Variants in ZER1 observed in about 807,000 individuals in gnomAD.
ZER1 encodes zyg-11 related cell cycle regulator, also known as protein zer-1 homolog.
In ZER1, 11 loss-of-function variants were observed where a neutral mutation model predicts 78.8. The observed-to-expected ratio is 0.14, with a 90% CI of 0.09 to 0.23. The LOEUF is 0.23. ZER1 is among the 10% of genes least tolerant of loss of function. The probability of loss-of-function intolerance (pLI) is 1.00; values close to 1 mark genes in which losing one functional copy is unlikely to be tolerated. For missense variants in ZER1, 588 were observed against 996.9 expected, an observed-to-expected ratio of 0.59 and a Z score of 5.52; for synonymous variants, 400 against 407.0, an observed-to-expected ratio of 0.98 and a Z score of 0.21.
rs1863835486 is a variant in ZER1, at chr9:128,755,663, G to A, written c.-94-4C>T. On this transcript the variant is annotated splice_polypyrimidine_tract_variant and splice_region_variant and intron_variant, in intron 1 of 15. Coordinates refer to ENST00000291900, the MANE Select transcript of ZER1 (RefSeq NM_006336.4). The surrounding 1 kb of genome is among the most constrained non-coding windows in gnomAD (Gnocchi z 5.6). ...GGATCATTGGCAGAGCCACTGCCTG[G>A]GGAGTGGACAAGATGCCAAGTGAGC... 2.7e-6 allele frequency: 4 copies of A among 1,488,932 alleles called. No homozygotes were observed. In the South Asian group the frequency reaches 3.7e-5, roughly 14 times the overall value. The allele number at this position is 1,488,932 out of a possible 1,614,324, so 92.2% of individuals were successfully genotyped here. A position where few individuals can be genotyped will look rare whatever the true frequency, so the allele number is the denominator to read the frequency against.
chr9:128,751,562 G>A lies in ZER1; in HGVS notation c.924-35C>T, dbSNP rs776114066. The stretch of plus-strand genomic sequence containing the variant: ...GAGGGTGCCGGTGTCAGTGGCTTGG[G>A]ACCCAGGCCTGAGCTGGGCCTCCCC... On this transcript the variant is annotated intron_variant, in intron 5 of 15. Coordinates refer to ENST00000291900, the MANE Select transcript of ZER1 (RefSeq NM_006336.4). The surrounding 1 kb of genome is among the most constrained non-coding windows in gnomAD (Gnocchi z 5.4). 10 of 1,592,316 alleles carry A rather than the reference G, an allele frequency of 6.3e-6. No individual in the cohort carries two copies. Among genetic ancestry groups the A allele is most frequent in the South Asian group, 2.2e-5 (2 of 90,766 alleles).
In ZER1 at chr9:128,740,270, AT is replaced by A. The variant is rs1863244640; in HGVS notation, c.1854-152del. ...ATATACCCAGACTACTTCTAAAGGGATTTGAGGTCATTTAAGATATAATTAC... is the reference window on the plus strand; with the variant it reads ...ATATACCCAGACTACTTCTAAAGGGATTGAGGTCATTTAAGATATAATTAC... On this transcript the variant is annotated intron_variant, in intron 12 of 15. Coordinates refer to ENST00000291900, the MANE Select transcript of ZER1 (RefSeq NM_006336.4). This position sits in a 1 kb window ranked among gnomAD's most constrained non-coding sequence, Gnocchi z 4.4. 1.3e-6 allele frequency: 1 copy of A among 797,996 alleles called. No individual in the cohort carries two copies. Among genetic ancestry groups the A allele is most frequent in the Admixed American group, 3.0e-5 (1 of 33,634 alleles). 49.4% of individuals were successfully genotyped at this position (797,996 alleles called of 1,614,324 possible).
Position 128,753,296 on chromosome 9 carries a change from T to C in ZER1, c.614A>G (p.Asp205Gly), listed in dbSNP as rs1362303442. 6.2e-7 allele frequency: 1 copy of C among 1,611,052 alleles called. No individual in the cohort carries two copies. The highest frequency in any genetic ancestry group is 8.5e-7 in the Non-Finnish European group (1 of 1,178,716). Residue 205 changes from aspartate to glycine, a missense_variant, in exon 4 of 16, where the codon GAC (aspartate) becomes GGC (glycine). Transcript: ENST00000291900. The surrounding 1 kb of genome is among the most constrained non-coding windows in gnomAD (Gnocchi z 7.5). ...GTCGCTCGTCTGAATGCCTGAGAGG[T>C]CCAAGGCAGCCAGGGAGTTAAGCGG... ...LRPLNSLAAL[D>G]LSGIQTSDAA...
chr9:128,754,531 A>G lies in ZER1; in HGVS notation c.159-572T>C, dbSNP rs759371493. 6.6e-6 allele frequency among the ~76,000 whole-genome samples: 1 copy of G among 152,164 alleles called. No individual in the cohort carries two copies. Among genetic ancestry groups the G allele is most frequent in the Admixed American group, 6.6e-5 (1 of 15,252 alleles). On this transcript the variant is annotated intron_variant, in intron 2 of 15. Transcript: ENST00000291900. This position sits in a 1 kb window ranked among gnomAD's most constrained non-coding sequence, Gnocchi z 4.3. ...CCCAGACCTCAGTTTCTTCATCTGT[A>G]AAGTGGATATAACTATGGCCTGCAA...
intron 8 of ZER1, among the ~76,000 whole-genome samples, chr9:128,744,011 C>T (rs1048011704): frequency 1.3e-5 from 2 of 151,272 alleles, no homozygotes; most frequent in Non-Finnish European, 1.5e-5. Context: ...CAATTTTCTA[C>T]CTCAGCCTCC....
intron 13 of ZER1, among the ~76,000 whole-genome samples, chr9:128,735,750 C>T (rs1863045405): frequency 2.5e-5 from 3 of 119,030 alleles, no homozygotes; most frequent in South Asian, 2.8e-4. Flanking sequence ...AACAGAAGCA[C>T]GTGTGACCTG....
In ZER1 at chr9:128,755,773, G is replaced by T; in HGVS notation, c.-94-114C>A. 1.6e-6 allele frequency: 1 copy of T among 619,546 alleles called. No individual in the cohort carries two copies. The highest frequency in any genetic ancestry group is 2.7e-6 in the Non-Finnish European group (1 of 367,252). 38.4% of individuals were successfully genotyped at this position (619,546 alleles called of 1,614,324 possible). Reference sequence around the variant, plus strand: ...AGACCACACTCCAATTAGCAGCTTAGCAGGGCCAGGCCCAGGTCTCCTGAC... The same window carrying T: ...AGACCACACTCCAATTAGCAGCTTATCAGGGCCAGGCCCAGGTCTCCTGAC... On this transcript the variant is annotated intron_variant, in intron 1 of 15. Transcript: ENST00000291900. This position sits in a 1 kb window ranked among gnomAD's most constrained non-coding sequence, Gnocchi z 5.6.
rs1028384558 is a variant in ZER1 at position 128,742,676 on chromosome 9, G to A, written c.1429C>T (p.Arg477Trp). ...ATGCTGAGCAGGAGCTCGTTGACCCGGCGGTACTGGAATTCCAGCTCCTCG... is the reference window on the plus strand; with the variant it reads ...ATGCTGAGCAGGAGCTCGTTGACCCAGCGGTACTGGAATTCCAGCTCCTCG... ...IPEELEFQYR[R>W]VNELLLSILN... The change falls in exon 9 of 16, where the codon CGG becomes TGG. Residue 477 changes from arginine (R) to tryptophan (W), a missense_variant. Arg to Trp is a moderately radical substitution (Grantham distance 101). This residue lies in a region of ZER1 where 406 missense variants were observed against 660.1 expected (regional missense o/e 0.62). Coordinates refer to ENST00000291900, the MANE Select transcript of ZER1 (RefSeq NM_006336.4). 2.5e-6 allele frequency: 4 copies of A among 1,614,168 alleles called. No homozygotes were observed. Among genetic ancestry groups the A allele is most frequent in the South Asian group, 2.2e-5 (2 of 91,078 alleles).
chr9:128,739,850 C>T, intron 13 of ZER1, 81 bp downstream of exon 13: 3 of 1,507,898 alleles, frequency 2.0e-6, no homozygotes, highest in African/African-American at 1.4e-5. Flanking sequence ...GAGCTCTGAG[C>T]AGACCTTAAT....
At chr9:128,733,671 G>C in intron 14 of ZER1, 143 bp from the exon 15 acceptor site, 1 of 671,964 alleles carries the variant, frequency 1.5e-6, no homozygotes, top group Non-Finnish European at 2.5e-6. Flanking sequence ...GCTAGAAATG[G>C]GGGCAAGACG....
At chr9:128,760,887 C>T (rs145343144) in intron 1 of ZER1, among the ~76,000 whole-genome samples, 3,645 of 151,588 alleles carry the variant, frequency 0.024, 148 homozygotes, top group African/African-American at 0.083. Context: ...AGGCCAGGCG[C>T]GGTGGCTCAC....
In ZER1 at chr9:128,731,406, G is replaced by T; in HGVS notation, c.2244-12C>A. The T allele has an allele frequency of 6.2e-7, 1 of 1,610,046 alleles. No individual in the cohort carries two copies. Among genetic ancestry groups the T allele is most frequent in the South Asian group, 1.1e-5 (1 of 90,606 alleles). ...GCTCAATCACCTTGCTGGAGACAAT[G>T]GGGGAGACAGGATTGGAGGGTGGGC... On this transcript the variant is annotated splice_polypyrimidine_tract_variant and intron_variant, in intron 15 of 15. Coordinates refer to ENST00000291900, the MANE Select transcript of ZER1 (RefSeq NM_006336.4).
chr9:128,735,111 A>G (rs1408395972), intron 14 of ZER1, among the ~76,000 whole-genome samples: 1 of 151,972 alleles, frequency 6.6e-6, no homozygotes, highest in African/African-American at 2.4e-5. Flanking sequence ...CTGTCTAGGA[A>G]CTCTGCACAG....
At chr9:128,766,273 C>T (rs995168439) in intron 1 of ZER1, among the ~76,000 whole-genome samples, 20 of 145,962 alleles carry the variant, frequency 1.4e-4, no homozygotes, top group African/African-American at 5.1e-4. Flanking sequence ...TGCTTGAACC[C>T]GGGAGGTGGA....
At chr9:128,741,213 T>C (rs906171872) in intron 11 of ZER1, among the ~76,000 whole-genome samples, 2 of 152,168 alleles carry the variant, frequency 1.3e-5, no homozygotes, top group Non-Finnish European at 2.9e-5. Flanking sequence ...GAGCATGTGT[T>C]TAAGGATGAA....
chr9:128,761,762 G>A (rs1050124651), intron 1 of ZER1, among the ~76,000 whole-genome samples: 6 of 151,424 alleles, frequency 4.0e-5, no homozygotes, highest in Non-Finnish European at 7.4e-5. Context: ...CTGCGACCAC[G>A]CTCGGCTAAT....
chr9:128,741,775 G>C (rs373808400), intron 10 of ZER1, 25 bp downstream of exon 10: 22 of 1,614,056 alleles, frequency 1.4e-5, no homozygotes, highest in Non-Finnish European at 1.7e-5. Flanking sequence ...AAAGGGTAGC[G>C]TGGCTTCGTG....
rs1052061245 is a variant in ZER1 at position 128,771,659 on chromosome 9, GA to G, written c.-174del. On this transcript the variant is annotated 5_prime_UTR_variant, in exon 1 of 16. Coordinates refer to ENST00000291900, the MANE Select transcript of ZER1 (RefSeq NM_006336.4). ...AGGAGGAGCAGAGAATGCAGCCCGGGAGAATCCGGGGCCAGAGCACCTCAGG... is the reference window on the plus strand; with the variant it reads ...AGGAGGAGCAGAGAATGCAGCCCGGGGAATCCGGGGCCAGAGCACCTCAGG... 2.6e-5 allele frequency: 4 copies of G among 152,510 alleles called. No homozygotes were observed. The highest frequency in any genetic ancestry group is 5.9e-5 in the Non-Finnish European group (4 of 68,304). The allele number at this position is 152,510 out of a possible 1,614,324, so 9.4% of individuals were successfully genotyped here. A position where few individuals can be genotyped will look rare whatever the true frequency, so the allele number is the denominator to read the frequency against.
In ZER1 at chr9:128,751,506, G is replaced by A; in HGVS notation, c.945C>T (p.Ser315=). 1.9e-6 allele frequency: 3 copies of A among 1,613,802 alleles called. No individual in the cohort carries two copies. Among genetic ancestry groups the A allele is most frequent in the Non-Finnish European group, 2.5e-6 (3 of 1,180,032 alleles). Residue 315 remains serine, a synonymous_variant, in exon 6 of 16, where the codon AGC becomes AGT. Transcript: ENST00000291900. This position sits in a 1 kb window ranked among gnomAD's most constrained non-coding sequence, Gnocchi z 5.4. ...TCTTCAGAGCCCGGAAAGGTATGATGCTGCTCTTGGAAGGCTCAATGCTGG... is the reference window on the plus strand; with the variant it reads ...TCTTCAGAGCCCGGAAAGGTATGATACTGCTCTTGGAAGGCTCAATGCTGG... The part of the protein sequence containing the change: ...GQTSIEPSKS[S]IIPFRALKRP...
Sources: gnomAD v4.1 joint callset for allele counts (sites outside exome capture counted in the v4.1 genomes callset) on GRCh38, gnomAD v4.1.1 for gene constraint, gnomAD v4.1.1 regional missense constraint, Gnocchi (gnomAD v3.1) non-coding constraint, MANE v1.5 for transcripts, NCBI Gene and HGNC (gene_info 2026-07-23, HGNC 2026-07-21) for gene names.